Variants in PKD1L3 observed in about 807,000 individuals in gnomAD.
The protein encoded by PKD1L3 is polycystin 1 like 3, transient receptor potential channel interacting.
A neutral mutation model predicts 184.1 loss-of-function variants in PKD1L3; 239 were observed. The observed-to-expected ratio is 1.30, with a 90% CI of 1.17 to 1.45. The LOEUF is 1.45. Among genes scored for constraint, PKD1L3 ranks in the 40% most tolerant of loss-of-function variants. PKD1L3 has a pLI of 0.00. For missense variants in PKD1L3, 2,660 were observed against 2,067.2 expected, an observed-to-expected ratio of 1.29 and a Z score of -5.56; for synonymous variants, 996 against 778.8, an observed-to-expected ratio of 1.28 and a Z score of -4.64.
rs1429371468 is a variant in PKD1L3 at position 71,949,808 on chromosome 16, T to G, written c.3593A>C (p.Asn1198Thr). 2 of 1,550,872 alleles carry G rather than the reference T, an allele frequency of 1.3e-6. No homozygotes were observed. Among genetic ancestry groups the G allele is most frequent in the African/African-American group, 2.7e-5 (2 of 73,008 alleles). ...CTTTACTGGCTGGCTGATGAAGATG[T>G]TCTGAAGCACTGATAAAATAATTGA... ...MISIILSVLQNIFISQPVKVV... is the reference protein window; with the variant it reads ...MISIILSVLQTIFISQPVKVV... The change falls in exon 21 of 30, where the codon AAC (asparagine) becomes ACC (threonine). Residue 1198 changes from asparagine (N) to threonine (T), a missense_variant. By Grantham distance (65) the Asn-to-Thr change is moderately conservative. Transcript: ENST00000620267.
chr16:71,942,705 C>T lies in PKD1L3; in HGVS notation c.4179G>A (p.Gly1393=), dbSNP rs1310161650. The T allele has an allele frequency of 2.6e-6, 4 of 1,551,716 alleles. No homozygotes were observed. The Admixed American group carries it at 5.9e-5, about 23-fold the overall frequency. ...LAFCDNGHTC[G]RPKSLFPGLH... ...GTCCAGGGAATAGGCTCTTGGGACG[C>T]CCACAGGTATGGCCGTTATCACAAA... is the stretch of plus-strand genomic sequence containing the variant. The change falls in exon 24 of 30, where the codon GGG becomes GGA. Residue 1393 remains glycine (G), a synonymous_variant. Coordinates refer to ENST00000620267, the MANE Select transcript of PKD1L3 (RefSeq NM_181536.2).
chr16:71,994,722 G>A (rs929548208), intron 2 of PKD1L3, among the ~76,000 whole-genome samples: 1 of 152,120 alleles, frequency 6.6e-6, no homozygotes, highest in African/African-American at 2.4e-5. Flanking sequence ...TAACAGGCTG[G>A]GTGTGGTGGC....
At chr16:71,971,599 G>C (rs1484258863) in intron 12 of PKD1L3, among the ~76,000 whole-genome samples, 1 of 152,206 alleles carries the variant, frequency 6.6e-6, no homozygotes, top group East Asian at 1.9e-4. Flanking sequence ...GCTGTGAGAG[G>C]AGAAAAGCTC....
At position 71,954,201 on chromosome 16, in the gene PKD1L3, G is replaced by A. The variant is rs188963934; in HGVS notation, c.2713C>T (p.Arg905Trp). ...AGCAGTGTCATGCAGCAAGACAGCC[G>A]TTGGACCCTTGTAAACTGGTTCCAG... The part of the protein sequence containing the change: ...HPWNQFTRVQ[R>W]LSCCMTLLLC... Residue 905 changes from arginine to tryptophan, a missense_variant, in exon 17 of 30, where the codon CGG (arginine) becomes TGG (tryptophan). Transcript: ENST00000620267. 31 of 1,551,600 alleles carry A rather than the reference G, an allele frequency of 2.0e-5. No homozygotes were observed. Among genetic ancestry groups the A allele is most frequent in the African/African-American group, 1.2e-4 (9 of 73,012 alleles).
intron 23 of PKD1L3, among the ~76,000 whole-genome samples, chr16:71,943,537 C>CAAAAAAAAAA (rs10693124): frequency 2.6e-4 from 22 of 84,408 alleles, no homozygotes; most frequent in East Asian, 1.0e-3. Flanking sequence ...GACTCCGTCT[C>CAAAAAAAAAA]AAAAAAAAAA....
At chr16:71,994,401 A>C (rs2040706127) in intron 2 of PKD1L3, among the ~76,000 whole-genome samples, 1 of 152,042 alleles carries the variant, frequency 6.6e-6, no homozygotes. Context: ...CTGACCATCA[A>C]ATCTAGCTGT....
chr16:71,981,657 C>T (rs1275846588), intron 7 of PKD1L3, among the ~76,000 whole-genome samples: 3 of 151,402 alleles, frequency 2.0e-5, no homozygotes, highest in Non-Finnish European at 4.4e-5. Flanking sequence ...TCTCCTGCCT[C>T]AGCCTCCTGA....
intron 12 of PKD1L3, among the ~76,000 whole-genome samples, chr16:71,971,793 C>A (rs2039720188): frequency 6.6e-6 from 1 of 152,194 alleles, no homozygotes; most frequent in South Asian, 2.1e-4. Flanking sequence ...GTGCAGATGC[C>A]TTCCTAAGAA....
intron 16 of PKD1L3, among the ~76,000 whole-genome samples, chr16:71,961,046 G>GT (rs1213031257): frequency 2.0e-5 from 3 of 149,752 alleles, no homozygotes; most frequent in Non-Finnish European, 4.4e-5. Context: ...TTTTTGGTTT[G>GT]TTTTTTAGAG....
chr16:71,932,953 ATTTTTAT>A (rs1202258460), intron 28 of PKD1L3, among the ~76,000 whole-genome samples: 1 of 151,182 alleles, frequency 6.6e-6, no homozygotes, highest in East Asian at 1.9e-4. Context: ...CACCTGGCTA[ATTTTTAT>A]TTTTTATTTT....
intron 15 of PKD1L3, among the ~76,000 whole-genome samples, chr16:71,965,343 T>C (rs929554091): frequency 5.9e-5 from 9 of 152,220 alleles, no homozygotes; most frequent in Non-Finnish European, 1.0e-4. Context: ...TATGAATATA[T>C]GTGTACAGGT....
chr16:71,977,334 G>C lies in PKD1L3; in HGVS notation c.1661C>G (p.Pro554Arg). ...SLIVSIDPDS[P>R]LLMTLYLGFQ... ...CCCCAGGTAGAGTGTCATTAAAAGG[G>C]GACTGTCAGGATCTATGCTCACTAT... Residue 554 changes from proline (P) to arginine (R), a missense_variant, in exon 11 of 30, where the codon CCC becomes CGC. Coordinates refer to ENST00000620267, the MANE Select transcript of PKD1L3 (RefSeq NM_181536.2). The C allele has an allele frequency of 3.9e-6, 6 of 1,546,918 alleles. No individual in the cohort carries two copies. The highest frequency in any genetic ancestry group is 5.3e-6 in the Non-Finnish European group (6 of 1,142,682).
intron 4 of PKD1L3, among the ~76,000 whole-genome samples, chr16:71,988,091 A>G (rs1467438805): frequency 6.6e-6 from 1 of 151,938 alleles, no homozygotes; most frequent in Non-Finnish European, 1.5e-5. Context: ...GTTTTCACGG[A>G]TCCTTCTGTG....
chr16:71,997,414 C>A (rs200989713), intron 2 of PKD1L3, among the ~76,000 whole-genome samples: 40 of 150,078 alleles, frequency 2.7e-4, no homozygotes, highest in Middle Eastern at 3.4e-3. Context: ...TAACAAGACC[C>A]CCCCCCCCAC....
intron 28 of PKD1L3, among the ~76,000 whole-genome samples, chr16:71,932,662 A>G (rs1357675625): frequency 6.6e-6 from 1 of 151,562 alleles, no homozygotes. Flanking sequence ...TGTTTTTATT[A>G]GAGATGGGGT....
In PKD1L3 at chr16:71,966,437, T is replaced by C. The variant is rs996984123; in HGVS notation, c.2465+700A>G. ...TAAGATCTTGACTTTTTTTTTTTTT[T>C]CCTTCCCTCCGAGACAGGGTCTTGC... On this transcript the variant is annotated intron_variant, in intron 15 of 29. Coordinates refer to ENST00000620267, the MANE Select transcript of PKD1L3 (RefSeq NM_181536.2). Among the ~76,000 whole-genome samples the C allele has an allele frequency of 5.9e-5, 9 of 151,384 alleles. No individual in the cohort carries two copies. The South Asian group carries it at 6.3e-4, about 11-fold the overall frequency.
intron 15 of PKD1L3, among the ~76,000 whole-genome samples, chr16:71,964,763 C>A (rs997746374): frequency 2.0e-5 from 3 of 151,988 alleles, no homozygotes; most frequent in Non-Finnish European, 4.4e-5. Flanking sequence ...GAACAATGAT[C>A]TGCTGTCCTC....
Position 71,993,252 on chromosome 16 carries a change from T to C in PKD1L3, c.499A>G (p.Arg167Gly). 6.4e-7 allele frequency: 1 copy of C among 1,550,834 alleles called. No individual in the cohort carries two copies. Among genetic ancestry groups the C allele is most frequent in the Non-Finnish European group, 8.7e-7 (1 of 1,146,636 alleles). ...HLYQRHKKTK[R>G]GVAIARDKMP... ...TTGTCTCTTGCTATTGCAACTCCTC[T>C]TTTTGTCTTCTTGTGTCTCTGGTAC... Residue 167 changes from arginine to glycine, a missense_variant, in exon 3 of 30, where the codon AGA becomes GGA. Arg to Gly is a moderately radical substitution (Grantham distance 125). Transcript: ENST00000620267.
chr16:71,982,052 C>G lies in PKD1L3; in HGVS notation c.1143+7G>C. 6.5e-7 allele frequency: 1 copy of G among 1,537,012 alleles called. No individual in the cohort carries two copies. The highest frequency in any genetic ancestry group is 8.8e-7 in the Non-Finnish European group (1 of 1,141,244). The stretch of plus-strand genomic sequence containing the variant: ...CAGATCTGGCCACCTGCATATCTGG[C>G]ACCTACCGGCTCAGTATGACGCTTG... On this transcript the variant is annotated splice_region_variant and intron_variant, in intron 7 of 29. Coordinates refer to ENST00000620267, the MANE Select transcript of PKD1L3 (RefSeq NM_181536.2).
Sources: allele counts gnomAD v4.1 joint callset (sites outside exome capture counted in the v4.1 genomes callset), GRCh38; gene constraint gnomAD v4.1.1; transcripts MANE v1.5; gene names NCBI Gene and HGNC (gene_info 2026-07-23, HGNC 2026-07-21).